GCNT2: variants seen among roughly 807,000 people sequenced by gnomAD.
The protein encoded by GCNT2 is N-acetyllactosaminide beta-1,6-N-acetylglucosaminyl-transferase.
A neutral mutation model predicts 34.2 loss-of-function variants in GCNT2; 34 were observed. The ratio of observed to expected loss-of-function variants is 1.00; its 90% CI spans 0.76 to 1.32. GCNT2 has a LOEUF of 1.32. Among genes scored for constraint, GCNT2 ranks in the 40% most tolerant of loss-of-function variants. The pLI is 0.00. For missense variants in GCNT2, 584 were observed against 489.4 expected (o/e 1.19, Z -1.82); for synonymous variants, 212 against 188.0 (o/e 1.13, Z -1.04).
chr6:10,595,215 A>G (rs761590662), intron 3 of GCNT2, among the ~76,000 whole-genome samples: 1 of 152,136 alleles, frequency 6.6e-6, no homozygotes, highest in Non-Finnish European at 1.5e-5. Context: ...TGTCAATGCT[A>G]TCTATTTTTG....
intron 3 of GCNT2, among the ~76,000 whole-genome samples, chr6:10,607,274 C>T (rs1765361978): frequency 6.6e-6 from 1 of 152,138 alleles, no homozygotes; most frequent in Non-Finnish European, 1.5e-5. Context: ...ATCCTGGCAT[C>T]TGCTCAGCAT....
chr6:10,545,455 C>T (rs1303632006), intron 3 of GCNT2, among the ~76,000 whole-genome samples: 2 of 152,152 alleles, frequency 1.3e-5, no homozygotes, highest in Non-Finnish European at 2.9e-5. Flanking sequence ...AAACTTAGGA[C>T]AGTTTCTGAC....
intron 3 of GCNT2, among the ~76,000 whole-genome samples, chr6:10,543,344 AC>A (rs1762120451): frequency 2.0e-5 from 3 of 151,278 alleles, no homozygotes; most frequent in African/African-American, 7.3e-5. Flanking sequence ...GCACACCACC[AC>A]ACCCAGCTAA....
At chr6:10,563,811 ACTTGT>A (rs1457514106) in intron 3 of GCNT2, among the ~76,000 whole-genome samples, 61 of 114,800 alleles carry the variant, frequency 5.3e-4, no homozygotes, top group African/African-American at 1.6e-3. Context: ...TATATATATG[ACTTGT>A]CCAAAGACAA....
At chr6:10,573,848 G>A (rs1053636837) in intron 3 of GCNT2, among the ~76,000 whole-genome samples, 4 of 152,222 alleles carry the variant, frequency 2.6e-5, no homozygotes, top group African/African-American at 9.6e-5. Context: ...GAGACTGCCC[G>A]TGACAATGGT....
At chr6:10,546,062 T>G (rs1211017276) in intron 3 of GCNT2, among the ~76,000 whole-genome samples, 2 of 152,186 alleles carry the variant, frequency 1.3e-5, no homozygotes, top group South Asian at 4.1e-4. Context: ...GCAGCCTCTT[T>G]TGCTGTTCTT....
chr6:10,619,755 T>A (rs931486952), intron 3 of GCNT2: 3 of 152,204 alleles, frequency 2.0e-5, no homozygotes, highest in Non-Finnish European at 4.4e-5. Context: ...AAATATATTG[T>A]CTTACAATTC....
At chr6:10,578,296 G>A (rs1367977382) in intron 3 of GCNT2, among the ~76,000 whole-genome samples, 9 of 150,652 alleles carry the variant, frequency 6.0e-5, no homozygotes, top group Admixed American at 4.6e-4. Context: ...CAGGAGAATC[G>A]CTTGAATCCA....
At chr6:10,556,821 A>G (rs896391023) in intron 3 of GCNT2, 4 of 1,614,090 alleles carry the variant, frequency 2.5e-6, no homozygotes, top group Non-Finnish European at 2.5e-6. Flanking sequence ...GCAACAACTG[A>G]ATTTAAAGAT....
chr6:10,537,698 C>CAAAAAAAAAAAAAAA (rs201257236), intron 3 of GCNT2, among the ~76,000 whole-genome samples: 14 of 83,198 alleles, frequency 1.7e-4, no homozygotes, highest in Non-Finnish European at 2.2e-4. Flanking sequence ...GATTCTGCCG[C>CAAAAAAAAAAAAAAA]AAAAAAAAAA....
intron 3 of GCNT2, among the ~76,000 whole-genome samples, chr6:10,589,161 TGTG>T (rs1764511984): frequency 8.9e-6 from 1 of 112,102 alleles, no homozygotes; most frequent in Admixed American, 8.4e-5. Context: ...TGTGTGTGCG[TGTG>T]GTGTGTGTGT....
At chr6:10,524,689 C>T (rs1278966627) in intron 1 of GCNT2, among the ~76,000 whole-genome samples, 1 of 151,948 alleles carries the variant, frequency 6.6e-6, no homozygotes, top group Non-Finnish European at 1.5e-5. Context: ...ATTAGCCAGG[C>T]ATGGTGGTGC....
chr6:10,578,626 T>G (rs1236920183), intron 3 of GCNT2, among the ~76,000 whole-genome samples: 2 of 151,798 alleles, frequency 1.3e-5, no homozygotes, highest in African/African-American at 4.8e-5. Flanking sequence ...TTTTGTATTT[T>G]TAGTAGAGAC....
At chr6:10,544,143 G>A (rs948552939) in intron 3 of GCNT2, among the ~76,000 whole-genome samples, 11 of 151,568 alleles carry the variant, frequency 7.3e-5, no homozygotes, top group Non-Finnish European at 1.3e-4. Context: ...GCGAAACCCC[G>A]TCTCTAGTAA....
rs532619114 is a variant in GCNT2 at position 10,539,313 on chromosome 6, C to G, written c.925+9477C>G. On this transcript the variant is annotated intron_variant, in intron 3 of 4. Coordinates refer to ENST00000495262, the MANE Select transcript of GCNT2 (RefSeq NM_145649.5). The stretch of plus-strand genomic sequence containing the variant: ...CAAGCGATTCCCCTGCCTCAGCCTC[C>G]CGAGTTGCTGGGATTACAGGTATGC... 7.0e-4 allele frequency among the ~76,000 whole-genome samples: 106 copies of G among 151,352 alleles called. 2 individuals are homozygous for G. The South Asian group carries it at 9.0e-3, about 13-fold the overall frequency.
At chr6:10,561,902 A>G (rs1043538296) in intron 3 of GCNT2, among the ~76,000 whole-genome samples, 1 of 151,634 alleles carries the variant, frequency 6.6e-6, no homozygotes, top group Non-Finnish European at 1.5e-5. Context: ...TTTTAATTCT[A>G]AAAATATCGT....
At chr6:10,558,281 A>T (rs574111571) in intron 3 of GCNT2, among the ~76,000 whole-genome samples, 1 of 152,312 alleles carries the variant, frequency 6.6e-6, no homozygotes, top group Admixed American at 6.5e-5. Context: ...TATATATTAG[A>T]TGAATAAATC....
intron 3 of GCNT2, among the ~76,000 whole-genome samples, chr6:10,569,871 TTCTTTC>T (rs756331733): frequency 1.3e-4 from 19 of 150,850 alleles, no homozygotes; most frequent in African/African-American, 4.0e-4. Context: ...CTTTCTTTCT[TTCTTTC>T]TCTTTCTTTT....
At chr6:10,524,000 C>CT (rs1761064316) in intron 1 of GCNT2, among the ~76,000 whole-genome samples, 1 of 141,542 alleles carries the variant, frequency 7.1e-6, no homozygotes, top group South Asian at 2.3e-4. Flanking sequence ...AAAACCAAGA[C>CT]TAAGAGGTGT....
Sources: allele counts gnomAD v4.1 joint callset (sites outside exome capture counted in the v4.1 genomes callset), GRCh38; gene constraint gnomAD v4.1.1; transcripts MANE v1.5; gene names NCBI Gene and HGNC (gene_info 2026-07-23, HGNC 2026-07-21).